The following SUMF1 variants were observed in gnomAD, a reference collection of about 807,000 sequenced individuals.
The protein encoded by SUMF1 is sulfatase modifying factor 1, also known as formylglycine-generating enzyme.
Under a neutral mutation model 47.6 loss-of-function variants are expected in SUMF1, and 48 were observed. The ratio of observed to expected loss-of-function variants is 1.01; its 90% CI spans 0.80 to 1.28. The LOEUF is 1.28. Ranked by LOEUF, SUMF1 falls within the 50% of genes most tolerant of loss-of-function variation. SUMF1 has a pLI of 0.00. For synonymous variants in SUMF1, 230 were observed against 192.1 expected (o/e 1.20, Z -1.63); for missense variants, 571 against 485.4 (o/e 1.18, Z -1.66).
At chr3:4,204,465 G>C (rs1422741551) in intron 8 of SUMF1, among the ~76,000 whole-genome samples, 1 of 152,094 alleles carries the variant, frequency 6.6e-6, no homozygotes, top group African/African-American at 2.4e-5. Context: ...AGTCTTACTT[G>C]GGTTAAATCT....
intron 7 of SUMF1, among the ~76,000 whole-genome samples, chr3:4,384,337 G>C (rs895413598): frequency 6.6e-6 from 1 of 152,180 alleles, no homozygotes; most frequent in African/African-American, 2.4e-5. Context: ...TCTATATCCA[G>C]TTTTCCCCAA....
chr3:4,270,708 T>C (rs1333756787), intron 8 of SUMF1, among the ~76,000 whole-genome samples: 1 of 152,172 alleles, frequency 6.6e-6, no homozygotes, highest in Non-Finnish European at 1.5e-5. Context: ...GTATAACTGG[T>C]ATTAAAAATT....
intron 3 of SUMF1, among the ~76,000 whole-genome samples, chr3:4,431,462 T>C (rs903049666): frequency 2.6e-5 from 4 of 152,192 alleles, no homozygotes; most frequent in African/African-American, 9.7e-5. Flanking sequence ...TCAGCCACAC[T>C]GAGAGAGAAA....
intron 8 of SUMF1, among the ~76,000 whole-genome samples, chr3:4,167,167 T>C (rs567249461): frequency 6.6e-6 from 1 of 152,080 alleles, no homozygotes; most frequent in South Asian, 2.1e-4. Context: ...GTGTTACAGC[T>C]CTTAAAGGTG....
intron 8 of SUMF1, among the ~76,000 whole-genome samples, chr3:4,327,124 AT>A (rs969807535): frequency 3.3e-5 from 5 of 152,148 alleles, no homozygotes; most frequent in Non-Finnish European, 7.3e-5. Flanking sequence ...AAATAGATCG[AT>A]TTTTTTCTTG....
intron 8 of SUMF1, among the ~76,000 whole-genome samples, chr3:4,206,413 T>G (rs964584302): frequency 3.3e-5 from 5 of 152,070 alleles, no homozygotes; most frequent in African/African-American, 1.2e-4. Flanking sequence ...ACCATTCCCC[T>G]CCAGTGAGGG....
At chr3:4,366,143 C>T (rs1699948301) in intron 8 of SUMF1, among the ~76,000 whole-genome samples, 2 of 151,878 alleles carry the variant, frequency 1.3e-5, no homozygotes, top group African/African-American at 2.4e-5. Context: ...TCTGGCTGCC[C>T]TTAGCATTTT....
intron 8 of SUMF1, among the ~76,000 whole-genome samples, chr3:4,162,986 AG>A (rs1225106351): frequency 3.3e-5 from 5 of 152,256 alleles, no homozygotes; most frequent in Admixed American, 3.3e-4. Flanking sequence ...TCATCACGTT[AG>A]TGCCCATTGC....
chr3:4,399,110 G>A (rs1701127653), intron 7 of SUMF1, among the ~76,000 whole-genome samples: 1 of 152,226 alleles, frequency 6.6e-6, no homozygotes, highest in East Asian at 1.9e-4. Context: ...GCGGAGGGAT[G>A]GGGAAAACGC....
chr3:4,444,518 T>C (rs9869888), intron 3 of SUMF1, among the ~76,000 whole-genome samples: 5,982 of 152,252 alleles, frequency 0.039, 399 homozygotes, highest in African/African-American at 0.14. Flanking sequence ...CATATATAAA[T>C]GTTTGGGAGT....
intron 8 of SUMF1, among the ~76,000 whole-genome samples, chr3:4,102,576 C>G (rs1693060852): frequency 6.6e-6 from 1 of 152,150 alleles, no homozygotes; most frequent in Non-Finnish European, 1.5e-5. Flanking sequence ...CAAAGCTTAT[C>G]TTACTAAGGT....
At chr3:4,412,488 A>G (rs1208085349) in intron 6 of SUMF1, among the ~76,000 whole-genome samples, 2 of 152,234 alleles carry the variant, frequency 1.3e-5, no homozygotes, top group African/African-American at 4.8e-5. Context: ...GATGATCAAA[A>G]AGAGCATGGT....
intron 8 of SUMF1, chr3:4,313,681 A>C (rs1698518491): frequency 3.1e-6 from 5 of 1,613,978 alleles, no homozygotes; most frequent in Non-Finnish European, 3.4e-6. Flanking sequence ...GTCGAACATC[A>C]GTTGTGGAAA....
rs200067979 is a variant in SUMF1 at position 4,303,394 on chromosome 3, G to C, written c.1014+72936C>G. ...AAATGTTCGCGGAAGCGGCAAAGAC[G>C]ACACGGCCTTGTGGGATGGCGGAGT... On this transcript the variant is annotated intron_variant and NMD_transcript_variant, in intron 8 of 12. Coordinates refer to the SUMF1 transcript ENST00000448413. The C allele has an allele frequency of 2.1e-5, 33 of 1,559,486 alleles. No individual in the cohort carries two copies. The East Asian group carries it at 5.5e-4, about 26-fold the overall frequency.
intron 9 of SUMF1, among the ~76,000 whole-genome samples, chr3:4,046,279 T>C (rs552273990): frequency 6.6e-4 from 100 of 152,220 alleles, no homozygotes; most frequent in African/African-American, 2.4e-3. Context: ...GAAGCTTTCG[T>C]ACCTAAGAAT....
intron 8 of SUMF1, among the ~76,000 whole-genome samples, chr3:4,144,720 AT>A (rs1332904477): frequency 1.2e-4 from 18 of 152,136 alleles, no homozygotes; most frequent in African/African-American, 4.1e-4. Context: ...TCTATGTAAA[AT>A]CTACAGAGAT....
chr3:4,135,772 C>G (rs913585388), intron 8 of SUMF1, among the ~76,000 whole-genome samples: 2 of 152,184 alleles, frequency 1.3e-5, no homozygotes, highest in African/African-American at 4.8e-5. Flanking sequence ...GCAACTTCAG[C>G]AACATCTCAG....
chr3:4,293,986 A>T (rs1193074407), intron 8 of SUMF1, among the ~76,000 whole-genome samples: 1 of 152,206 alleles, frequency 6.6e-6, no homozygotes, highest in Non-Finnish European at 1.5e-5. Flanking sequence ...AGAGAGGCAG[A>T]GTTTCAGACC....
At chr3:4,256,034 G>A (rs2081600311) in intron 8 of SUMF1, among the ~76,000 whole-genome samples, 1 of 150,710 alleles carries the variant, frequency 6.6e-6, no homozygotes, top group South Asian at 2.1e-4. Flanking sequence ...ATAATAAAAT[G>A]AAGGCAGAAA....
Sources: gnomAD v4.1 joint callset for allele counts (sites outside exome capture counted in the v4.1 genomes callset) on GRCh38, gnomAD v4.1.1 for gene constraint, MANE v1.5 for transcripts, NCBI Gene and HGNC (gene_info 2026-07-23, HGNC 2026-07-21) for gene names.